WIPI2: variants seen among roughly 807,000 people sequenced by gnomAD.
WIPI2 encodes the protein WD repeat domain, phosphoinositide interacting 2, also known as WD repeat domain phosphoinositide-interacting protein 2.
In WIPI2, 28 loss-of-function variants were observed where a neutral mutation model predicts 52.3. That is an observed-to-expected ratio of 0.54 (90% CI 0.40 to 0.73). The LOEUF is 0.73. Among genes scored for constraint, WIPI2 ranks in the 30% least tolerant of loss-of-function variants. The probability of loss-of-function intolerance (pLI) is 0.00; values close to 1 mark genes in which losing one functional copy is unlikely to be tolerated. For missense variants in WIPI2, 506 were observed against 602.9 expected, an observed-to-expected ratio of 0.84 and a Z score of 1.68; for synonymous variants, 268 against 245.0, an observed-to-expected ratio of 1.09 and a Z score of -0.88.
At chr7:5,228,604 G>T (rs1277669087) in intron 11 of WIPI2, among the ~76,000 whole-genome samples, 1 of 152,234 alleles carries the variant, frequency 6.6e-6, no homozygotes, top group African/African-American at 2.4e-5. Context: ...GTGGCTGAGA[G>T]CCTCTTGTCT....
intron 3 of WIPI2, among the ~76,000 whole-genome samples, chr7:5,199,970 C>G (rs1170525090): frequency 6.6e-6 from 1 of 152,196 alleles, no homozygotes; most frequent in Non-Finnish European, 1.5e-5. Flanking sequence ...TTTAAACCGT[C>G]TAAATTACTG....
At position 5,232,189 on chromosome 7, in the gene WIPI2, T is replaced by G; in HGVS notation, c.*1242T>G. 2.5e-6 allele frequency: 1 copy of G among 398,770 alleles called. No homozygotes were observed. 24.7% of individuals were successfully genotyped at this position (398,770 alleles called of 1,614,324 possible). On this transcript the variant is annotated 3_prime_UTR_variant, in exon 13 of 13. Transcript: ENST00000288828. ...TCTATGGAGTGGTGGAAGTTACGGA[T>G]AGAAGGGAAAAGGCAAAAACTATTT...
chr7:5,203,844 C>G (rs1358521952), intron 3 of WIPI2, among the ~76,000 whole-genome samples: 1 of 151,774 alleles, frequency 6.6e-6, no homozygotes, highest in African/African-American at 2.4e-5. Context: ...AGGATGGTCT[C>G]GATCTCCTGA....
At chr7:5,214,928 C>G (rs1479054022) in intron 4 of WIPI2, among the ~76,000 whole-genome samples, 2 of 152,258 alleles carry the variant, frequency 1.3e-5, no homozygotes, top group Admixed American at 1.3e-4. Context: ...CACACTGCTC[C>G]CATACAGGCG....
chr7:5,197,337 C>T (rs1781804246), intron 2 of WIPI2, among the ~76,000 whole-genome samples: 1 of 152,056 alleles, frequency 6.6e-6, no homozygotes, highest in Admixed American at 6.6e-5. Flanking sequence ...CCTTAGTTAT[C>T]TGGAAAATGT....
intron 8 of WIPI2, among the ~76,000 whole-genome samples, chr7:5,224,756 C>A (rs1432711351): frequency 6.6e-6 from 1 of 152,172 alleles, no homozygotes; most frequent in Non-Finnish European, 1.5e-5. Flanking sequence ...CTGCAAAATA[C>A]CATAAGCAAA....
In WIPI2 at chr7:5,233,367, C is replaced by G. The variant is rs567212972; in HGVS notation, c.*2420C>G. 1 of 152,422 alleles carries G rather than the reference C, an allele frequency of 6.6e-6. No homozygotes were observed. The highest frequency in any genetic ancestry group is 1.9e-4 in the East Asian group (1 of 5,188). The allele number at this position is 152,422 out of a possible 1,614,324, so 9.4% of individuals were successfully genotyped here. On this transcript the variant is annotated 3_prime_UTR_variant, in exon 13 of 13. Coordinates refer to ENST00000288828, the MANE Select transcript of WIPI2 (RefSeq NM_015610.4). ...GAGTTGCCCGTTAGAACTCTTACTG[C>G]TGCGCCAGTGACCCAGGTGGAGAGG... is the stretch of plus-strand genomic sequence containing the variant.
rs1276247235 is a variant in WIPI2 at position 5,233,035 on chromosome 7, C to G, written c.*2088C>G. ...CTGTGACCCTCGGCCCACACTCCCC[C>G]TTGGGTGGCCCTGGCAGGGCTGGCT... On this transcript the variant is annotated 3_prime_UTR_variant, in exon 13 of 13. Coordinates refer to ENST00000288828, the MANE Select transcript of WIPI2 (RefSeq NM_015610.4). 1 of 152,330 alleles carries G rather than the reference C, an allele frequency of 6.6e-6. No homozygotes were observed. Among genetic ancestry groups the G allele is most frequent in the Non-Finnish European group, 1.5e-5 (1 of 68,136 alleles). The allele number at this position is 152,330 out of a possible 1,614,324, so 9.4% of individuals were successfully genotyped here.
rs1417767726 is a variant in WIPI2, at chr7:5,228,006, G to A, written c.1014-98G>A. ...CAGCTGCCCTTGTGCTCATCTTGCT[G>A]GGGTCTCTTTCCTCGCCTGCCAAAA... On this transcript the variant is annotated intron_variant, in intron 10 of 12. Coordinates refer to ENST00000288828, the MANE Select transcript of WIPI2 (RefSeq NM_015610.4). 22 of 1,109,506 alleles carry A rather than the reference G, an allele frequency of 2.0e-5. No individual in the cohort carries two copies. In the East Asian group the frequency reaches 5.2e-4, roughly 26 times the overall value. The allele number at this position is 1,109,506 out of a possible 1,614,324, so 68.7% of individuals were successfully genotyped here.
intron 3 of WIPI2, among the ~76,000 whole-genome samples, chr7:5,204,999 G>A (rs374771787): frequency 1.7e-4 from 26 of 151,668 alleles, no homozygotes; most frequent in South Asian, 6.2e-4. Context: ...TTTTTGAGAC[G>A]GAGTCTCGCT....
intron 1 of WIPI2, among the ~76,000 whole-genome samples, chr7:5,191,416 C>T (rs75797310): frequency 6.6e-6 from 1 of 152,180 alleles, no homozygotes; most frequent in South Asian, 2.1e-4. Context: ...TAGGGAGAAA[C>T]TGAGCCAAGA....
intron 3 of WIPI2, among the ~76,000 whole-genome samples, chr7:5,208,584 T>C (rs1242099097): frequency 6.6e-6 from 1 of 152,208 alleles, no homozygotes; most frequent in Admixed American, 6.5e-5. Context: ...AAGTCAATAA[T>C]CTATCTCATT....
intron 7 of WIPI2, among the ~76,000 whole-genome samples, chr7:5,219,371 A>G (rs1169773340): frequency 6.6e-6 from 1 of 152,222 alleles, no homozygotes; most frequent in Non-Finnish European, 1.5e-5. Context: ...TGACTAATCA[A>G]AGTCTCACTG....
At chr7:5,190,924 C>T (rs1583529597) in intron 1 of WIPI2, 1 of 161,404 alleles carries the variant, frequency 6.2e-6, no homozygotes, top group Non-Finnish European at 1.3e-5. Flanking sequence ...TTGAATCAGG[C>T]CCTTCTCCTT....
chr7:5,201,826 G>A (rs1782043185), intron 3 of WIPI2, among the ~76,000 whole-genome samples: 1 of 152,200 alleles, frequency 6.6e-6, no homozygotes, highest in Non-Finnish European at 1.5e-5. Flanking sequence ...TCTTCTTAGT[G>A]AACTTTGGCC....
intron 3 of WIPI2, among the ~76,000 whole-genome samples, chr7:5,201,466 G>A (rs1037595704): frequency 6.6e-6 from 1 of 152,176 alleles, no homozygotes; most frequent in Non-Finnish European, 1.5e-5. Context: ...GATATTGGCC[G>A]GGCGCAGTGG....
Position 5,219,264 on chromosome 7 carries a change from C to T in WIPI2, c.669+1250C>T, listed in dbSNP as rs141095002. 3.7e-4 allele frequency among the ~76,000 whole-genome samples: 56 copies of T among 152,310 alleles called. 2 individuals carry two copies. The East Asian group carries it at 0.011, about 29-fold the overall frequency. On this transcript the variant is annotated intron_variant, in intron 7 of 12. Coordinates refer to ENST00000288828, the MANE Select transcript of WIPI2 (RefSeq NM_015610.4). The stretch of plus-strand genomic sequence containing the variant: ...TGGGCAGCAACAGAGGGGTCAGACT[C>T]CAAGTCTGACTTTGATTCTAATTAT...
chr7:5,229,559 G>A (rs774905860), intron 11 of WIPI2, 49 bp from the exon 12 acceptor site: 1 of 1,592,042 alleles, frequency 6.3e-7, no homozygotes, highest in Admixed American at 1.7e-5. Flanking sequence ...ACTGCCCGCA[G>A]GGCTGCCCTG....
chr7:5,232,574 C>T lies in WIPI2; in HGVS notation c.*1627C>T, dbSNP rs1783776095. On this transcript the variant is annotated 3_prime_UTR_variant, in exon 13 of 13. Transcript: ENST00000288828. Reference sequence around the variant, plus strand: ...TCACGCAGGCTGAGACAGTGGGGACCGCCGAGGCCAGAGTGGGCTATGCTT... The same window carrying T: ...TCACGCAGGCTGAGACAGTGGGGACTGCCGAGGCCAGAGTGGGCTATGCTT... 4 of 359,270 alleles carry T rather than the reference C, an allele frequency of 1.1e-5. No individual in the cohort carries two copies. The South Asian group carries it at 6.0e-4, about 54-fold the overall frequency. 22.3% of individuals were successfully genotyped at this position (359,270 alleles called of 1,614,324 possible).
Sources: allele counts gnomAD v4.1 joint callset (sites outside exome capture counted in the v4.1 genomes callset), GRCh38; gene constraint gnomAD v4.1.1; transcripts MANE v1.5; gene names NCBI Gene and HGNC (gene_info 2026-07-23, HGNC 2026-07-21).